KCNQ1: variants seen among roughly 807,000 people sequenced by gnomAD.
KCNQ1 encodes the protein potassium voltage-gated channel subfamily Q member 1.
KCNQ1 carries 49 observed loss-of-function variants against 72.4 expected under a neutral mutation model. The observed-to-expected ratio is 0.68, with a 90% CI of 0.54 to 0.86. The LOEUF is 0.86. Ranked by LOEUF, KCNQ1 falls within the 40% of genes least tolerant of loss-of-function variation. The pLI is 0.00. For synonymous variants in KCNQ1, 450 were observed against 412.6 expected, an observed-to-expected ratio of 1.09 and a Z score of -1.10; for missense variants, 790 against 945.1, an observed-to-expected ratio of 0.84 and a Z score of 2.15.
At chr11:2,616,769 A>G in intron 10 of KCNQ1, 4 of 397,978 alleles carry the variant, frequency 1.0e-5, no homozygotes, top group Non-Finnish European at 1.8e-5. Flanking sequence ...TGATTTCTAT[A>G]TTTTAAAATT....
intron 11 of KCNQ1, among the ~76,000 whole-genome samples, chr11:2,708,367 G>C (rs1196272187): frequency 6.6e-6 from 1 of 152,206 alleles, no homozygotes; most frequent in Non-Finnish European, 1.5e-5. Context: ...TTAGGCACGT[G>C]GTCCTGAGGC....
chr11:2,597,695 G>A (rs928763025), intron 10 of KCNQ1, among the ~76,000 whole-genome samples: 1 of 152,200 alleles, frequency 6.6e-6, no homozygotes, highest in African/African-American at 2.4e-5. Context: ...AGGTTAAATA[G>A]AATTGAGTTG....
At chr11:2,584,367 ATGTT>A (rs1564824759) in intron 7 of KCNQ1, among the ~76,000 whole-genome samples, 2 of 149,660 alleles carry the variant, frequency 1.3e-5, no homozygotes, top group Non-Finnish European at 3.0e-5. Context: ...GTTTTAGTGT[ATGTT>A]AGTGTGTTTG....
At chr11:2,834,438 C>T (rs1026803416) in intron 15 of KCNQ1, among the ~76,000 whole-genome samples, 5 of 152,162 alleles carry the variant, frequency 3.3e-5, no homozygotes, top group Non-Finnish European at 5.9e-5. Flanking sequence ...CATCACACCT[C>T]GCCCTCAAGG....
At position 2,623,222 on chromosome 11, in the gene KCNQ1, A is replaced by G. The variant is rs923792037; in HGVS notation, c.1393+34368A>G. On this transcript the variant is annotated intron_variant, in intron 10 of 15. Transcript: ENST00000155840. This position sits in a 1 kb window ranked among gnomAD's most constrained non-coding sequence, Gnocchi z 5.2. ...TTTAAGTTTCTGAGGCCTGCCAGCCATGCTTACTGTACAGCCTACAAAACT... is the reference window on the plus strand; with the variant it reads ...TTTAAGTTTCTGAGGCCTGCCAGCCGTGCTTACTGTACAGCCTACAAAACT... 2 of 398,626 alleles carry G rather than the reference A, an allele frequency of 5.0e-6. No individual in the cohort carries two copies. The highest frequency in any genetic ancestry group is 8.8e-6 in the Non-Finnish European group (2 of 226,180). 24.7% of individuals were successfully genotyped at this position (398,626 alleles called of 1,614,324 possible). A position where few individuals can be genotyped will look rare whatever the true frequency, so the allele number is the denominator to read the frequency against.
At chr11:2,505,283 T>C (rs1847084483) in intron 1 of KCNQ1, among the ~76,000 whole-genome samples, 1 of 152,224 alleles carries the variant, frequency 6.6e-6, no homozygotes, top group Non-Finnish European at 1.5e-5. Flanking sequence ...CATTTGTTAA[T>C]TTTTCCATTT....
In KCNQ1 at chr11:2,654,313, G is replaced by C. The variant is rs913322269; in HGVS notation, c.1394-7648G>C. 7 of 398,638 alleles carry C rather than the reference G, an allele frequency of 1.8e-5. No individual in the cohort carries two copies. The highest frequency in any genetic ancestry group is 3.1e-5 in the Non-Finnish European group (7 of 226,242). The allele number at this position is 398,638 out of a possible 1,614,324, so 24.7% of individuals were successfully genotyped here. ...ACTGAGAGGGGGAGATTTCTTGAGG[G>C]GGCCAGGGAGGGGGCTTCTACTTGC... On this transcript the variant is annotated intron_variant, in intron 10 of 15. Coordinates refer to ENST00000155840, the MANE Select transcript of KCNQ1 (RefSeq NM_000218.3). The surrounding 1 kb of genome is among the most constrained non-coding windows in gnomAD (Gnocchi z 6.4).
At position 2,623,728 on chromosome 11, in the gene KCNQ1, A is replaced by G; in HGVS notation, c.1393+34874A>G. On this transcript the variant is annotated intron_variant, in intron 10 of 15. Coordinates refer to ENST00000155840, the MANE Select transcript of KCNQ1 (RefSeq NM_000218.3). This position sits in a 1 kb window ranked among gnomAD's most constrained non-coding sequence, Gnocchi z 5.2. The stretch of plus-strand genomic sequence containing the variant: ...ACAATCACAAATAAAGCTTCTGTAA[A>G]CATCTCTGTGCAGATTTTTATGTGA... The G allele has an allele frequency of 2.5e-6, 1 of 398,550 alleles. No individual in the cohort carries two copies. The highest frequency in any genetic ancestry group is 1.3e-4 in the South Asian group (1 of 7,854). 24.7% of individuals were successfully genotyped at this position (398,550 alleles called of 1,614,324 possible).
rs1400323147 is a variant in KCNQ1, at chr11:2,608,038, C to A, written c.1393+19184C>A. On this transcript the variant is annotated intron_variant, in intron 10 of 15. Coordinates refer to ENST00000155840, the MANE Select transcript of KCNQ1 (RefSeq NM_000218.3). This position sits in a 1 kb window ranked among gnomAD's most constrained non-coding sequence, Gnocchi z 4.6. ...AATAGCGTGGATTTACCTAATGCCA[C>A]AGAACTATATACCTAAAATGGGTAA... Among the ~76,000 whole-genome samples, 2 of 152,216 alleles carry A rather than the reference C, an allele frequency of 1.3e-5. No individual in the cohort carries two copies. Among genetic ancestry groups the A allele is most frequent in the Non-Finnish European group, 2.9e-5 (2 of 68,032 alleles).
At position 2,813,395 on chromosome 11, in the gene KCNQ1, T is replaced by A. The variant is rs1198908118; in HGVS notation, c.1795-34372T>A. ...TCACAGGGGTGGAGACCTGCACCTCTTTTTCACCCCCAAACCCGCCTGCCC... is the reference window on the plus strand; with the variant it reads ...TCACAGGGGTGGAGACCTGCACCTCATTTTCACCCCCAAACCCGCCTGCCC... On this transcript the variant is annotated intron_variant, in intron 15 of 15. Transcript: ENST00000155840. The surrounding 1 kb of genome is among the most constrained non-coding windows in gnomAD (Gnocchi z 4.4). 2.0e-5 allele frequency among the ~76,000 whole-genome samples: 2 copies of A among 100,452 alleles called. No individual in the cohort carries two copies. The highest frequency in any genetic ancestry group is 8.5e-5 in the African/African-American group (2 of 23,540). 65.9% of individuals were successfully genotyped at this position (100,452 alleles called of 152,430 possible). A position where few individuals can be genotyped will look rare whatever the true frequency, so the allele number is the denominator to read the frequency against.
rs1235637289 is a variant in KCNQ1 at position 2,564,385 on chromosome 11, G to C, written c.478-6243G>C. 5.9e-5 allele frequency among the ~76,000 whole-genome samples: 9 copies of C among 152,168 alleles called. No individual in the cohort carries two copies. Among genetic ancestry groups the C allele is most frequent in the Non-Finnish European group, 2.9e-5 (2 of 68,040 alleles). Reference sequence around the variant, plus strand: ...GAGGCGGGCGGATCACCTGAGGTCAGGAGTTTGAGACCAGCCTGGCCAACA... The same window carrying C: ...GAGGCGGGCGGATCACCTGAGGTCACGAGTTTGAGACCAGCCTGGCCAACA... On this transcript the variant is annotated intron_variant, in intron 2 of 15. Coordinates refer to ENST00000155840, the MANE Select transcript of KCNQ1 (RefSeq NM_000218.3). The surrounding 1 kb of genome is among the most constrained non-coding windows in gnomAD (Gnocchi z 4.5).
At chr11:2,743,490 G>T (rs1217000981) in intron 11 of KCNQ1, among the ~76,000 whole-genome samples, 3 of 152,228 alleles carry the variant, frequency 2.0e-5, no homozygotes, top group African/African-American at 7.2e-5. Context: ...CTGTTGCTCT[G>T]ACTGTGGCCT....
rs1044937378 is a variant in KCNQ1, at chr11:2,654,661, A to C, written c.1394-7300A>C. 2 of 398,896 alleles carry C rather than the reference A, an allele frequency of 5.0e-6. No individual in the cohort carries two copies. Among genetic ancestry groups the C allele is most frequent in the East Asian group, 3.6e-5 (1 of 28,088 alleles). The allele number at this position is 398,896 out of a possible 1,614,324, so 24.7% of individuals were successfully genotyped here. A position where few individuals can be genotyped will look rare whatever the true frequency, so the allele number is the denominator to read the frequency against. On this transcript the variant is annotated intron_variant, in intron 10 of 15. Coordinates refer to ENST00000155840, the MANE Select transcript of KCNQ1 (RefSeq NM_000218.3). This position sits in a 1 kb window ranked among gnomAD's most constrained non-coding sequence, Gnocchi z 6.4. ...CGAGAGTCTCTTGAGGGCAGAGGGC[A>C]GCAGAGATGGGCTGGAGCTTTGAGC...
chr11:2,461,011 G>A (rs1035426309), intron 1 of KCNQ1, among the ~76,000 whole-genome samples: 4 of 152,168 alleles, frequency 2.6e-5, no homozygotes, highest in South Asian at 2.1e-4. Flanking sequence ...TCCGGGAGTC[G>A]GATGGGCCTC....
Position 2,572,862 on chromosome 11 carries a change from T to C in KCNQ1, c.797T>C (p.Leu266Pro), listed in dbSNP as rs199473460. Residue 266 changes from leucine to proline, a missense_variant, in exon 6 of 16, where the codon CTG (leucine) becomes CCG (proline). Around this residue, in one of 5 missense-constraint regions of KCNQ1, gnomAD observed 133 missense variants for 219.5 expected, o/e 0.61. Transcript: ENST00000155840. Reference sequence around the variant, plus strand: ...CTGGCCTAGGAGCTGATAACCACCCTGTACATCGGCTTCCTGGGCCTCATC... The same window carrying C: ...CTGGCCTAGGAGCTGATAACCACCCCGTACATCGGCTTCCTGGGCCTCATC... ...FIHRQELITT[L>P]YIGFLGLIFS... 13 of 1,613,868 alleles carry C rather than the reference T, an allele frequency of 8.1e-6. No individual in the cohort carries two copies. The highest frequency in any genetic ancestry group is 1.0e-5 in the Non-Finnish European group (12 of 1,180,022).
Position 2,764,343 on chromosome 11 carries a change from A to C in KCNQ1, c.1515-4501A>C, listed in dbSNP as rs1846458536. On this transcript the variant is annotated intron_variant, in intron 11 of 15. Transcript: ENST00000155840. This position sits in a 1 kb window ranked among gnomAD's most constrained non-coding sequence, Gnocchi z 4.8. ...TTTCTGACTTATTCTGTTGATGTGA[A>C]GAGTGACGCTGCTTGGTCCTTAGAG... Among the ~76,000 whole-genome samples the C allele has an allele frequency of 6.6e-6, 1 of 152,134 alleles. No individual in the cohort carries two copies. The highest frequency in any genetic ancestry group is 1.5e-5 in the Non-Finnish European group (1 of 68,022).
At chr11:2,718,180 G>GC (rs1251875300) in intron 11 of KCNQ1, among the ~76,000 whole-genome samples, 1 of 152,172 alleles carries the variant, frequency 6.6e-6, no homozygotes, top group Non-Finnish European at 1.5e-5. Flanking sequence ...CAGCCCAGAG[G>GC]CCCTCCCCTG....
At chr11:2,632,108 G>A (rs1449830679) in intron 10 of KCNQ1, 11 of 396,196 alleles carry the variant, frequency 2.8e-5, no homozygotes, top group East Asian at 1.1e-4. Flanking sequence ...GCGTGAACTC[G>A]GGAGGCAGAG....
intron 2 of KCNQ1, among the ~76,000 whole-genome samples, chr11:2,553,224 T>C (rs1411142537): frequency 6.6e-6 from 1 of 151,826 alleles, no homozygotes; most frequent in Non-Finnish European, 1.5e-5. Context: ...GATTGTGTTG[T>C]CCACAATTAA....
Sources: gnomAD v4.1 joint callset for allele counts (sites outside exome capture counted in the v4.1 genomes callset) on GRCh38, gnomAD v4.1.1 for gene constraint, gnomAD v4.1.1 regional missense constraint, Gnocchi (gnomAD v3.1) non-coding constraint, MANE v1.5 for transcripts, NCBI Gene and HGNC (gene_info 2026-07-23, HGNC 2026-07-21) for gene names.